MAGI2: variants seen among roughly 807,000 people sequenced by gnomAD.
MAGI2 encodes the protein membrane associated guanylate kinase, WW and PDZ domain containing 2, also known as membrane-associated guanylate kinase, WW and PDZ domain-containing protein 2.
A neutral mutation model predicts 133.3 loss-of-function variants in MAGI2; 35 were observed. The ratio of observed to expected loss-of-function variants is 0.26; its 90% CI spans 0.20 to 0.35. The LOEUF (loss-of-function observed/expected upper bound fraction) is 0.35, where lower values mean the gene tolerates loss of function less well. MAGI2 is among the 10% of genes least tolerant of loss of function. The pLI is 1.00. For missense variants in MAGI2, 1,636 were observed against 1,863.4 expected, an observed-to-expected ratio of 0.88 and a Z score of 2.25; for synonymous variants, 729 against 710.6, an observed-to-expected ratio of 1.03 and a Z score of -0.41.
intron 19 of MAGI2, among the ~76,000 whole-genome samples, chr7:78,126,230 T>G (rs1376980944): frequency 1.1e-5 from 1 of 93,800 alleles, no homozygotes; most frequent in Non-Finnish European, 2.3e-5. Context: ...GTGTACAAAT[T>G]ACAGAGTTTG....
intron 1 of MAGI2, among the ~76,000 whole-genome samples, chr7:79,387,666 T>G (rs1585797947): frequency 6.6e-6 from 1 of 152,180 alleles, no homozygotes; most frequent in East Asian, 1.9e-4. Flanking sequence ...TTCAATAATT[T>G]AATTATCAAC....
intron 2 of MAGI2, among the ~76,000 whole-genome samples, chr7:78,868,882 T>A (rs1794801899): frequency 6.6e-6 from 1 of 151,958 alleles, no homozygotes; most frequent in East Asian, 1.9e-4. Context: ...GCCTCCAGAG[T>A]AGCTAGGACT....
chr7:79,164,122 T>A (rs1303888182), intron 1 of MAGI2, among the ~76,000 whole-genome samples: 2 of 152,036 alleles, frequency 1.3e-5, no homozygotes, highest in African/African-American at 4.8e-5. Context: ...GGCCTGCCCA[T>A]GCATTCTATG....
intron 21 of MAGI2, among the ~76,000 whole-genome samples, chr7:78,059,878 G>C (rs1014259171): frequency 1.6e-4 from 25 of 151,858 alleles, no homozygotes; most frequent in African/African-American, 6.1e-4. Context: ...AGGGAGCTTA[G>C]AGAATTTTCG....
chr7:78,324,355 T>C (rs1337724975), intron 9 of MAGI2, among the ~76,000 whole-genome samples: 1 of 152,186 alleles, frequency 6.6e-6, no homozygotes, highest in African/African-American at 2.4e-5. Flanking sequence ...CTGAGACTCG[T>C]ATTAAACCTC....
At chr7:78,210,710 T>A (rs924643247) in intron 10 of MAGI2, among the ~76,000 whole-genome samples, 1 of 152,176 alleles carries the variant, frequency 6.6e-6, no homozygotes, top group African/African-American at 2.4e-5. Context: ...AAAAGTGAAA[T>A]CCTTGGATTT....
At chr7:78,863,342 T>G (rs543587557) in intron 2 of MAGI2, among the ~76,000 whole-genome samples, 1 of 152,112 alleles carries the variant, frequency 6.6e-6, no homozygotes, top group African/African-American at 2.4e-5. Flanking sequence ...AAATTGTGCA[T>G]CTGGTGAAAG....
intron 2 of MAGI2, among the ~76,000 whole-genome samples, chr7:79,001,712 A>G (rs1249377576): frequency 6.6e-6 from 1 of 152,196 alleles, no homozygotes; most frequent in Non-Finnish European, 1.5e-5. Context: ...AACATTTGCA[A>G]ATTAATCCAA....
chr7:79,315,355 A>G (rs1353024893), intron 1 of MAGI2, among the ~76,000 whole-genome samples: 1 of 121,618 alleles, frequency 8.2e-6, no homozygotes, highest in Admixed American at 8.3e-5. Flanking sequence ...TTGTATTTTT[A>G]GTAGAGACGG....
chr7:78,555,224 A>C (rs374201363), intron 3 of MAGI2, among the ~76,000 whole-genome samples: 2 of 101,354 alleles, frequency 2.0e-5, no homozygotes, highest in Non-Finnish European at 3.8e-5. Flanking sequence ...ATAGATAGAC[A>C]GATAGATAGA....
intron 2 of MAGI2, among the ~76,000 whole-genome samples, chr7:78,939,166 G>GT (rs915783554): frequency 2.8e-4 from 42 of 152,030 alleles, no homozygotes; most frequent in African/African-American, 9.2e-4. Flanking sequence ...GCTAATGTTT[G>GT]TATTTTTAGT....
chr7:78,584,421 G>GAAAAAAAAA lies in MAGI2; in HGVS notation c.538+42690_538+42698dup, dbSNP rs57844382. Among the ~76,000 whole-genome samples, 38 of 83,964 alleles carry GAAAAAAAAA rather than the reference G, an allele frequency of 4.5e-4. 2 individuals carry two copies. The highest frequency in any genetic ancestry group is 8.2e-4 in the African/African-American group (19 of 23,136). 55.1% of individuals were successfully genotyped at this position (83,964 alleles called of 152,430 possible). A position where few individuals can be genotyped will look rare whatever the true frequency, so the allele number is the denominator to read the frequency against. ...GGTGACAGAGTGAGACTCCGTCTCA[G>GAAAAAAAAA]AAAAAAAAAAAAAAAAAAAAAAAAA... On this transcript the variant is annotated intron_variant, in intron 3 of 21. Coordinates refer to ENST00000354212, the MANE Select transcript of MAGI2 (RefSeq NM_012301.4).
chr7:78,260,044 T>C (rs930113807), intron 9 of MAGI2, among the ~76,000 whole-genome samples: 1 of 152,120 alleles, frequency 6.6e-6, no homozygotes, highest in African/African-American at 2.4e-5. Context: ...ACGTAGAAGA[T>C]TTCTGAATGT....
intron 2 of MAGI2, among the ~76,000 whole-genome samples, chr7:78,745,952 C>T (rs1308343943): frequency 6.6e-6 from 1 of 152,130 alleles, no homozygotes; most frequent in African/African-American, 2.4e-5. Flanking sequence ...ACTGTCTTGT[C>T]AGGAGTAATT....
chr7:78,806,602 A>T (rs37881), intron 2 of MAGI2, among the ~76,000 whole-genome samples: 1 of 151,896 alleles, frequency 6.6e-6, no homozygotes, highest in Non-Finnish European at 1.5e-5. Context: ...AAGGTGACTC[A>T]CACTTGTAAT....
intron 1 of MAGI2, among the ~76,000 whole-genome samples, chr7:79,254,762 G>A (rs1701791344): frequency 6.6e-6 from 1 of 152,150 alleles, no homozygotes; most frequent in South Asian, 2.1e-4. Context: ...TGTTTAATAT[G>A]TAGTAGAACT....
chr7:78,832,604 G>A (rs1431760189), intron 2 of MAGI2, among the ~76,000 whole-genome samples: 1 of 152,186 alleles, frequency 6.6e-6, no homozygotes, highest in African/African-American at 2.4e-5. Context: ...CTTCTGTTGA[G>A]TTTGACCGTC....
rs199933554 is a variant in MAGI2 at position 79,292,770 on chromosome 7, C to CAAAAAAAAAAAAAAAAAAAAAAAA, written c.301+160226_301+160249dup. ...TTTTGGACCACTTTGTCAATTTCTG[C>CAAAAAAAAAAAAAAAAAAAAAAAA]AAAAAAAAAAAAAAAAAAAAAAAAA... On this transcript the variant is annotated intron_variant, in intron 1 of 21. Transcript: ENST00000354212. Among the ~76,000 whole-genome samples, 4 of 57,408 alleles carry CAAAAAAAAAAAAAAAAAAAAAAAA rather than the reference C, an allele frequency of 7.0e-5. 2 individuals carry two copies. Among genetic ancestry groups the CAAAAAAAAAAAAAAAAAAAAAAAA allele is most frequent in the African/African-American group, 1.4e-4 (2 of 14,534 alleles). 37.7% of individuals were successfully genotyped at this position (57,408 alleles called of 152,430 possible).
At chr7:78,659,115 A>G (rs868713418) in intron 2 of MAGI2, among the ~76,000 whole-genome samples, 7 of 152,168 alleles carry the variant, frequency 4.6e-5, no homozygotes, top group Non-Finnish European at 8.8e-5. Flanking sequence ...CAACCATACC[A>G]TGAAATACTA....
Sources: allele counts gnomAD v4.1 joint callset (sites outside exome capture counted in the v4.1 genomes callset), GRCh38; gene constraint gnomAD v4.1.1; transcripts MANE v1.5; gene names NCBI Gene and HGNC (gene_info 2026-07-23, HGNC 2026-07-21).